PTPRD: variants seen among roughly 807,000 people sequenced by gnomAD.
The protein encoded by PTPRD is protein tyrosine phosphatase receptor type D, also known as receptor-type tyrosine-protein phosphatase delta.
Under a neutral mutation model 214.5 loss-of-function variants are expected in PTPRD, and 34 were observed. The observed-to-expected ratio is 0.16, with a 90% CI of 0.12 to 0.21. PTPRD has a LOEUF of 0.21. Among genes scored for constraint, PTPRD ranks in the 10% least tolerant of loss-of-function variants. The probability of loss-of-function intolerance (pLI) is 1.00; values close to 1 mark genes in which losing one functional copy is unlikely to be tolerated. For synonymous variants in PTPRD, 1,128 were observed against 845.7 expected (o/e 1.33, Z -5.79); for missense variants, 2,545 against 2,398.7 (o/e 1.06, Z -1.27).
At chr9:8,910,418 C>T (rs2098739230) in intron 11 of PTPRD, among the ~76,000 whole-genome samples, 1 of 152,072 alleles carries the variant, frequency 6.6e-6, no homozygotes, top group African/African-American at 2.4e-5. Flanking sequence ...AGGATCTGTA[C>T]TCGCAAATGG....
chr9:8,940,280 C>CCTTTGTTTTTTTTTTT (rs763715400), intron 11 of PTPRD, among the ~76,000 whole-genome samples: 1 of 89,046 alleles, frequency 1.1e-5, no homozygotes, highest in Non-Finnish European at 2.1e-5. Context: ...TCTCTCTCTC[C>CCTTTGTTTTTTTTTTT]TTTTTTTTTT....
intron 10 of PTPRD, among the ~76,000 whole-genome samples, chr9:9,157,825 G>T (rs1332246244): frequency 6.6e-6 from 1 of 152,090 alleles, no homozygotes; most frequent in East Asian, 1.9e-4. Context: ...CATTACCCAG[G>T]TATTAAGCCC....
intron 39 of PTPRD, among the ~76,000 whole-genome samples, chr9:8,350,639 G>A (rs2075187804): frequency 6.6e-6 from 1 of 152,046 alleles, no homozygotes; most frequent in African/African-American, 2.4e-5. Context: ...GCATCTCTAC[G>A]ATATTTGGGG....
chr9:9,188,116 T>C (rs1294674434), intron 9 of PTPRD, among the ~76,000 whole-genome samples: 1 of 152,044 alleles, frequency 6.6e-6, no homozygotes, highest in Non-Finnish European at 1.5e-5. Flanking sequence ...TTCTAACCTA[T>C]GGTTTAGGGT....
intron 2 of PTPRD, among the ~76,000 whole-genome samples, chr9:10,346,100 T>C (rs548465157): frequency 8.4e-4 from 128 of 152,278 alleles, no homozygotes; most frequent in African/African-American, 2.9e-3. Context: ...TTTAAAACAG[T>C]ACAAGCAGTG....
At chr9:8,339,299 C>T (rs1850073322) in intron 42 of PTPRD, among the ~76,000 whole-genome samples, 1 of 152,110 alleles carries the variant, frequency 6.6e-6, no homozygotes, top group Non-Finnish European at 1.5e-5. Context: ...GCTTAATATA[C>T]ACGAGTTGAA....
At chr9:9,107,265 A>G (rs324546) in intron 10 of PTPRD, among the ~76,000 whole-genome samples, 84,470 of 151,860 alleles carry the variant, frequency 0.56, 24,147 homozygotes, top group Non-Finnish European at 0.62. Context: ...ACTTGCTGCC[A>G]CACTAAATTC....
chr9:10,489,534 T>C (rs2099154185), intron 2 of PTPRD, among the ~76,000 whole-genome samples: 1 of 152,118 alleles, frequency 6.6e-6, no homozygotes, highest in African/African-American at 2.4e-5. Context: ...ACCTAGAAGT[T>C]GTAGTCCTTG....
intron 39 of PTPRD, among the ~76,000 whole-genome samples, chr9:8,368,919 A>C (rs1441579815): frequency 6.6e-6 from 1 of 152,106 alleles, no homozygotes; most frequent in Non-Finnish European, 1.5e-5. Context: ...TGTTTCCATA[A>C]ATAAGGACAT....
chr9:9,284,822 C>A (rs1948853107), intron 9 of PTPRD, among the ~76,000 whole-genome samples: 1 of 151,690 alleles, frequency 6.6e-6, no homozygotes, highest in Non-Finnish European at 1.5e-5. Flanking sequence ...GCTTTTATTT[C>A]ATTTTCTACC....
chr9:10,413,905 G>A (rs536537575), intron 2 of PTPRD, among the ~76,000 whole-genome samples: 16 of 151,792 alleles, frequency 1.1e-4, no homozygotes, highest in Non-Finnish European at 2.1e-4. Context: ...GGCTAGACAT[G>A]CAGCAGATTG....
chr9:10,146,382 A>C (rs1359535335), intron 3 of PTPRD, among the ~76,000 whole-genome samples: 1 of 151,802 alleles, frequency 6.6e-6, no homozygotes, highest in African/African-American at 2.4e-5. Flanking sequence ...GTCCTATATA[A>C]ATTACAGTTT....
intron 14 of PTPRD, among the ~76,000 whole-genome samples, chr9:8,562,515 C>T (rs889915161): frequency 5.3e-5 from 8 of 152,052 alleles, no homozygotes; most frequent in Non-Finnish European, 1.2e-4. Flanking sequence ...CAGCTCCCTG[C>T]AACCTCGAAC....
In PTPRD at chr9:8,486,176, T is replaced by C; in HGVS notation, c.2641A>G (p.Thr881Ala). The C allele has an allele frequency of 6.2e-7, 1 of 1,614,210 alleles. No homozygotes were observed. The highest frequency in any genetic ancestry group is 8.5e-7 in the Non-Finnish European group (1 of 1,180,030). ...LEFSEKEDHFTATDIHKGASY... is the reference protein window; with the variant it reads ...LEFSEKEDHFAATDIHKGASY... ...GCTCCCTTGTGGATGTCTGTAGCTG[T>C]AAAGTGATCTTCTTTTTCAGAGAAC... The change falls in exon 28 of 46, where the codon ACA becomes GCA. Residue 881 changes from threonine to alanine, a missense_variant. Transcript: ENST00000381196.
At chr9:9,320,358 C>A (rs921065382) in intron 9 of PTPRD, among the ~76,000 whole-genome samples, 2 of 152,042 alleles carry the variant, frequency 1.3e-5, no homozygotes, top group African/African-American at 4.8e-5. Flanking sequence ...TTGGTGAGAA[C>A]CCCATATACT....
chr9:8,418,533 G>A (rs1223848376), intron 35 of PTPRD, among the ~76,000 whole-genome samples: 1 of 151,734 alleles, frequency 6.6e-6, no homozygotes, highest in Non-Finnish European at 1.5e-5. Context: ...CTAGAAAATG[G>A]CTAGCCCAGT....
chr9:9,227,695 C>A (rs1288350817), intron 9 of PTPRD, among the ~76,000 whole-genome samples: 1 of 152,100 alleles, frequency 6.6e-6, no homozygotes, highest in Non-Finnish European at 1.5e-5. Flanking sequence ...GAAGCTAGAT[C>A]ACCAATAAGC....
intron 8 of PTPRD, among the ~76,000 whole-genome samples, chr9:9,430,888 A>T (rs2143017077): frequency 6.6e-6 from 1 of 152,322 alleles, no homozygotes; most frequent in African/African-American, 2.4e-5. Context: ...CTTACACCTT[A>T]TACAAAAATT....
intron 5 of PTPRD, among the ~76,000 whole-genome samples, chr9:9,827,115 C>G (rs1312677283): frequency 6.6e-6 from 1 of 152,104 alleles, no homozygotes; most frequent in African/African-American, 2.4e-5. Context: ...TCCTCCCCAT[C>G]AAGCTACCAA....
Sources: allele counts gnomAD v4.1 joint callset (sites outside exome capture counted in the v4.1 genomes callset), GRCh38; gene constraint gnomAD v4.1.1; transcripts MANE v1.5; gene names NCBI Gene and HGNC (gene_info 2026-07-23, HGNC 2026-07-21).